CHST15: variants seen among roughly 807,000 people sequenced by gnomAD.
CHST15 encodes carbohydrate sulfotransferase 15.
A neutral mutation model predicts 53.6 loss-of-function variants in CHST15; 30 were observed. The ratio of observed to expected loss-of-function variants is 0.56; its 90% CI spans 0.42 to 0.76. The LOEUF is 0.76. CHST15 is among the 30% of genes least tolerant of loss of function. CHST15 has a pLI of 0.00. For missense variants in CHST15, 627 were observed against 740.5 expected (o/e 0.85, Z 1.78); for synonymous variants, 296 against 289.8 (o/e 1.02, Z -0.22).
chr10:124,032,448 T>G (rs1947259134), intron 5 of CHST15, among the ~76,000 whole-genome samples: 1 of 152,202 alleles, frequency 6.6e-6, no homozygotes, highest in South Asian at 2.1e-4. Context: ...GCAACTAGGT[T>G]GGAGGTGCCA....
chr10:124,021,450 A>G, intron 5 of CHST15, 38 bp from the exon 6 acceptor site: 1 of 1,579,676 alleles, frequency 6.3e-7, no homozygotes, highest in Non-Finnish European at 8.6e-7. Flanking sequence ...ACCACCCATG[A>G]ACATGCAATC....
chr10:124,091,444 C>A (rs920291741), intron 1 of CHST15, among the ~76,000 whole-genome samples: 1 of 152,154 alleles, frequency 6.6e-6, no homozygotes, highest in Non-Finnish European at 1.5e-5. Context: ...TACTTCAGGG[C>A]CCCTCGGGGG....
intron 1 of CHST15, among the ~76,000 whole-genome samples, chr10:124,053,826 G>A (rs1948288159): frequency 6.6e-6 from 1 of 152,100 alleles, no homozygotes; most frequent in South Asian, 2.1e-4. Context: ...GCTGAGGTGG[G>A]AGGATTGCTT....
At chr10:124,016,269 C>T (rs150212312) in intron 6 of CHST15, among the ~76,000 whole-genome samples, 26 of 152,114 alleles carry the variant, frequency 1.7e-4, no homozygotes, top group African/African-American at 6.0e-4. Flanking sequence ...TGCCGGGGCC[C>T]AGGGTGCCTT....
At chr10:124,020,828 A>T (rs1034631265) in intron 6 of CHST15, 7 of 1,203,194 alleles carry the variant, frequency 5.8e-6, no homozygotes, top group East Asian at 3.7e-5. Flanking sequence ...ATGTTTTTCA[A>T]TTGAGACTCT....
At chr10:124,026,824 T>C (rs964995565) in intron 5 of CHST15, among the ~76,000 whole-genome samples, 1 of 152,164 alleles carries the variant, frequency 6.6e-6, no homozygotes, top group African/African-American at 2.4e-5. Context: ...CCTGAAGGAC[T>C]GACCAGCGGG....
At chr10:124,067,078 G>A (rs779285784) in intron 1 of CHST15, among the ~76,000 whole-genome samples, 4 of 152,208 alleles carry the variant, frequency 2.6e-5, no homozygotes, top group African/African-American at 7.2e-5. Flanking sequence ...CAAGACAGTC[G>A]CACCCCAGAC....
chr10:124,028,280 G>A (rs79679276), intron 5 of CHST15, among the ~76,000 whole-genome samples: 3,846 of 152,246 alleles, frequency 0.025, 147 homozygotes, highest in African/African-American at 0.084. Context: ...CTTGGTGATC[G>A]CAATAGCTCA....
rs183360613 is a variant in CHST15, at chr10:124,007,962, G to C, written c.*2187C>G. 5.8e-6 allele frequency: 7 copies of C among 1,211,192 alleles called. No homozygotes were observed. In the East Asian group the frequency reaches 2.3e-4, roughly 40 times the overall value. 75.0% of individuals were successfully genotyped at this position (1,211,192 alleles called of 1,614,324 possible). On this transcript the variant is annotated 3_prime_UTR_variant, in exon 8 of 8. Coordinates refer to ENST00000435907, the MANE Select transcript of CHST15 (RefSeq NM_001270764.2). Reference sequence around the variant, plus strand: ...GCCGGGCCTCGAATGAGAGGAAGCAGAGGCAGCCGAAGTGCCCTCTGGAGA... The same window carrying C: ...GCCGGGCCTCGAATGAGAGGAAGCACAGGCAGCCGAAGTGCCCTCTGGAGA...
At chr10:124,039,747 AG>A (rs1947665389) in intron 4 of CHST15, among the ~76,000 whole-genome samples, 1 of 152,214 alleles carries the variant, frequency 6.6e-6, no homozygotes, top group African/African-American at 2.4e-5. Flanking sequence ...TGAGGGTTTG[AG>A]GAGAGACAGT....
intron 6 of CHST15, among the ~76,000 whole-genome samples, chr10:124,017,645 T>C (rs751916018): frequency 6.6e-6 from 1 of 152,140 alleles, no homozygotes; most frequent in Non-Finnish European, 1.5e-5. Flanking sequence ...GAAGATCAGA[T>C]GGTTGGGGAA....
In CHST15 at chr10:124,010,405, A is replaced by C. The variant is rs576727209; in HGVS notation, c.1496-66T>G. 4 of 1,465,762 alleles carry C rather than the reference A, an allele frequency of 2.7e-6. No individual in the cohort carries two copies. In the African/African-American group the frequency reaches 4.2e-5, roughly 16 times the overall value. The allele number at this position is 1,465,762 out of a possible 1,614,324, so 90.8% of individuals were successfully genotyped here. Reference sequence around the variant, plus strand: ...GGCAGGAAGTAAAAGGGACTTTGCAAAAATCCCAGCTATGCTTCGTATTCA... The same window carrying C: ...GGCAGGAAGTAAAAGGGACTTTGCACAAATCCCAGCTATGCTTCGTATTCA... On this transcript the variant is annotated intron_variant, in intron 7 of 7. Transcript: ENST00000435907.
At chr10:124,023,048 G>T (rs995870826) in intron 5 of CHST15, among the ~76,000 whole-genome samples, 4 of 151,866 alleles carry the variant, frequency 2.6e-5, no homozygotes, top group Non-Finnish European at 5.9e-5. Context: ...CTGAACTCCT[G>T]CCTCAACTGA....
intron 1 of CHST15, among the ~76,000 whole-genome samples, chr10:124,059,395 A>G (rs972964217): frequency 1.3e-5 from 2 of 152,124 alleles, no homozygotes; most frequent in East Asian, 3.9e-4. Context: ...CTGTCCAACA[A>G]TTTTTCCTTG....
intron 6 of CHST15, chr10:124,020,626 C>G: frequency 1.0e-6 from 1 of 987,836 alleles, no homozygotes; most frequent in Non-Finnish European, 1.2e-6. Flanking sequence ...GAACACGCAG[C>G]GGCAATGCTC....
At chr10:124,037,858 G>C (rs1203615125) in intron 5 of CHST15, among the ~76,000 whole-genome samples, 1 of 152,196 alleles carries the variant, frequency 6.6e-6, no homozygotes, top group African/African-American at 2.4e-5. Context: ...AATTCTAGGA[G>C]TTAAACCACG....
intron 5 of CHST15, among the ~76,000 whole-genome samples, chr10:124,025,766 A>G (rs1333516112): frequency 2.0e-5 from 3 of 152,154 alleles, no homozygotes; most frequent in Non-Finnish European, 4.4e-5. Flanking sequence ...TCCTTATAAA[A>G]AGAGGAGAGG....
intron 7 of CHST15, chr10:124,011,491 A>C (rs1320588278): frequency 1.0e-6 from 1 of 985,332 alleles, no homozygotes; most frequent in East Asian, 1.1e-4. Flanking sequence ...ATTTTCAGAA[A>C]TACTCAATTA....
chr10:124,010,635 T>C (rs1020315772), intron 7 of CHST15: 2 of 985,328 alleles, frequency 2.0e-6, no homozygotes, highest in African/African-American at 3.5e-5. Flanking sequence ...AAGGATTCCC[T>C]TCCAATTGCC....
Sources: allele counts gnomAD v4.1 joint callset (sites outside exome capture counted in the v4.1 genomes callset), GRCh38; gene constraint gnomAD v4.1.1; transcripts MANE v1.5; gene names NCBI Gene and HGNC (gene_info 2026-07-23, HGNC 2026-07-21).